The following SNAP47 variants were observed in gnomAD, a reference collection of about 807,000 sequenced individuals.
SNAP47 encodes the protein synaptosomal-associated protein 47.
A neutral mutation model predicts 31.4 loss-of-function variants in SNAP47; 20 were observed. The ratio of observed to expected loss-of-function variants is 0.64; its 90% CI spans 0.45 to 0.93. The LOEUF (loss-of-function observed/expected upper bound fraction) is 0.93. SNAP47 is among the 40% of genes least tolerant of loss of function. SNAP47 has a pLI of 0.00. For missense variants in SNAP47, 492 were observed against 528.5 expected (o/e 0.93, Z 0.68); for synonymous variants, 194 against 213.4 (o/e 0.91, Z 0.79).
At chr1:227,744,320 C>T (rs1661816042) in intron 1 of SNAP47, among the ~76,000 whole-genome samples, 1 of 152,046 alleles carries the variant, frequency 6.6e-6, no homozygotes, top group Admixed American at 6.5e-5. Flanking sequence ...GACTGATCTA[C>T]AGAGTGGACA....
chr1:227,744,123 T>C (rs1175327477), intron 1 of SNAP47: 2 of 151,784 alleles, frequency 1.3e-5, no homozygotes, highest in Non-Finnish European at 2.9e-5. Flanking sequence ...GCTGTGTTGC[T>C]TAGGGAATAA....
At chr1:227,769,987 C>T (rs965155758) in intron 4 of SNAP47, among the ~76,000 whole-genome samples, 1 of 152,138 alleles carries the variant, frequency 6.6e-6, no homozygotes, top group African/African-American at 2.4e-5. Context: ...GACACTGGGT[C>T]TGGCGGGAGA....
At chr1:227,733,860 C>T, upstream of SNAP47, 1 of 1,609,390 alleles carries the variant, frequency 6.2e-7, no homozygotes, top group Non-Finnish European at 8.5e-7. Flanking sequence ...CCAGTCCGTT[C>T]TGTCACCAGG....
At chr1:227,734,768 G>C (rs1367496567), upstream of SNAP47, 1 of 1,614,032 alleles carries the variant, frequency 6.2e-7, no homozygotes, top group Non-Finnish European at 8.5e-7. Context: ...TTTGGGGTTC[G>C]AGTTGTATTC....
rs534151327 is a variant in SNAP47 at position 227,748,505 on chromosome 1, C to T, written c.497+272C>T. ...CTCACTGGGTGCCTGGCACCACTGC[C>T]GTCCACTGCACCATGCTGAGTCCAC... On this transcript the variant is annotated intron_variant, in intron 2 of 4. Coordinates refer to ENST00000617596, the MANE Select transcript of SNAP47 (RefSeq NM_053052.4). Among the ~76,000 whole-genome samples, 18 of 152,364 alleles carry T rather than the reference C, an allele frequency of 1.2e-4. No individual in the cohort carries two copies. The East Asian group carries it at 1.7e-3, about 15-fold the overall frequency.
At chr1:227,742,440 G>A (rs1661670317) in intron 1 of SNAP47, among the ~76,000 whole-genome samples, 1 of 152,150 alleles carries the variant, frequency 6.6e-6, no homozygotes, top group Admixed American at 6.5e-5. Context: ...GGTGACCTTA[G>A]GTCTTTTAGT....
At chr1:227,767,192 T>G (rs1663469335) in intron 4 of SNAP47, 109 bp downstream of exon 4, 1 of 1,487,296 alleles carries the variant, frequency 6.7e-7, no homozygotes, top group African/African-American at 1.4e-5. Flanking sequence ...CCATCCGTAT[T>G]GGCCTCGCAC....
rs1386033185 is a variant in SNAP47, at chr1:227,735,509, G to A, written c.-46+10G>A. The A allele has an allele frequency of 1.4e-6, 2 of 1,394,004 alleles. No homozygotes were observed. The highest frequency in any genetic ancestry group is 1.8e-6 in the Non-Finnish European group (2 of 1,082,338). The allele number at this position is 1,394,004 out of a possible 1,614,324, so 86.4% of individuals were successfully genotyped here. ...GTCTGGCGTCCCTCAGGTGAGCGAC[G>A]GTGTTGGTCTGTTGGGCGCCCGGCC... On this transcript the variant is annotated intron_variant, in intron 1 of 4. Coordinates refer to ENST00000617596, the MANE Select transcript of SNAP47 (RefSeq NM_053052.4).
upstream of SNAP47, chr1:227,731,818 G>C (rs1156531297): frequency 6.2e-6 from 1 of 160,344 alleles, no homozygotes; most frequent in Admixed American, 5.7e-5. Flanking sequence ...GCCCTGCAAA[G>C]GCAGGGAGGT....
intron 4 of SNAP47, among the ~76,000 whole-genome samples, chr1:227,775,145 GCGGGCC>G (rs938876056): frequency 2.6e-5 from 4 of 152,198 alleles, no homozygotes; most frequent in African/African-American, 9.6e-5. Flanking sequence ...GGGGACTTGG[GCGGGCC>G]GCAGGGTGGT....
intron 4 of SNAP47, chr1:227,768,211 G>A: frequency 2.1e-6 from 2 of 930,712 alleles, no homozygotes; most frequent in Non-Finnish European, 2.6e-6. Flanking sequence ...CGCACATGCA[G>A]TCTCCAGGTG....
chr1:227,729,879 G>C (rs1016977286), intron 1 of SNAP47, among the ~76,000 whole-genome samples: 5 of 152,196 alleles, frequency 3.3e-5, no homozygotes, highest in African/African-American at 1.2e-4. Context: ...GCTAGAGTCT[G>C]TGCAGACAGC....
chr1:227,752,418 G>T (rs57892813), intron 2 of SNAP47, among the ~76,000 whole-genome samples: 2 of 143,870 alleles, frequency 1.4e-5, no homozygotes, highest in Non-Finnish European at 3.1e-5. Flanking sequence ...TTCCCCACCC[G>T]CCCCACACCT....
chr1:227,766,525 G>A (rs1663412222), intron 3 of SNAP47, among the ~76,000 whole-genome samples: 1 of 152,118 alleles, frequency 6.6e-6, no homozygotes, highest in South Asian at 2.1e-4. Flanking sequence ...GCGCAGACGT[G>A]TGGCAGTGCT....
chr1:227,729,877 CTG>C (rs1403891069), intron 1 of SNAP47, among the ~76,000 whole-genome samples: 4 of 152,186 alleles, frequency 2.6e-5, no homozygotes, highest in South Asian at 4.1e-4. Flanking sequence ...AGGCTAGAGT[CTG>C]TGCAGACAGC....
upstream of SNAP47, chr1:227,734,537 TCA>T (rs1349701785): frequency 2.1e-6 from 2 of 949,934 alleles, no homozygotes; most frequent in East Asian, 4.9e-5. Context: ...TTAAAGTGCC[TCA>T]CGGGGAAAAA....
intron 1 of SNAP47, among the ~76,000 whole-genome samples, chr1:227,745,505 G>T (rs1344550054): frequency 6.6e-6 from 1 of 152,202 alleles, no homozygotes; most frequent in Admixed American, 6.5e-5. Context: ...AGAGCAGTCT[G>T]GTGTGAAGGA....
intron 4 of SNAP47, among the ~76,000 whole-genome samples, chr1:227,768,005 T>C (rs1296958179): frequency 6.6e-6 from 1 of 152,270 alleles, no homozygotes; most frequent in Non-Finnish European, 1.5e-5. Flanking sequence ...TTTTTGAAGC[T>C]GTACTCAGTC....
At chr1:227,765,990 A>AGAGG (rs1201088940) in intron 3 of SNAP47, among the ~76,000 whole-genome samples, 1 of 152,178 alleles carries the variant, frequency 6.6e-6, no homozygotes, top group Non-Finnish European at 1.5e-5. Flanking sequence ...GTGATAGGCT[A>AGAGG]GAGGGGGTAT....
Sources: allele counts gnomAD v4.1 joint callset (sites outside exome capture counted in the v4.1 genomes callset), GRCh38; gene constraint gnomAD v4.1.1; transcripts MANE v1.5; gene names NCBI Gene and HGNC (gene_info 2026-07-23, HGNC 2026-07-21).